The following CCDC73 variants were observed in gnomAD, a reference collection of about 807,000 sequenced individuals.
CCDC73 encodes the protein coiled-coil domain containing 73.
Under a neutral mutation model 116.5 loss-of-function variants are expected in CCDC73, and 95 were observed. That is an observed-to-expected ratio of 0.82 (90% confidence interval 0.69 to 0.97). The LOEUF (loss-of-function observed/expected upper bound fraction) is 0.97. Among genes scored for constraint, CCDC73 ranks in the 50% least tolerant of loss-of-function variants. The pLI is 0.00. For synonymous variants in CCDC73, 398 were observed against 401.3 expected (o/e 0.99, Z 0.10); for missense variants, 1,066 against 1,206.8 (o/e 0.88, Z 1.73).
At chr11:32,653,852 C>A (rs1855848124) in intron 11 of CCDC73, 126 bp downstream of exon 11, 1 of 1,070,724 alleles carries the variant, frequency 9.3e-7, no homozygotes, top group Admixed American at 3.5e-5. Context: ...AAAAAGTATA[C>A]ACATGTACAT....
chr11:32,669,733 G>T (rs2133281373), intron 9 of CCDC73, among the ~76,000 whole-genome samples: 1 of 152,144 alleles, frequency 6.6e-6, no homozygotes, highest in South Asian at 2.1e-4. Context: ...TCTGTGCCTG[G>T]CTTATTTCAC....
chr11:32,623,743 A>G (rs1160657843), intron 14 of CCDC73, among the ~76,000 whole-genome samples: 1 of 152,206 alleles, frequency 6.6e-6, no homozygotes, highest in Non-Finnish European at 1.5e-5. Context: ...GGCTCTACAA[A>G]GAAGACTTTA....
At chr11:32,727,164 T>C (rs1590615659) in intron 2 of CCDC73, among the ~76,000 whole-genome samples, 1 of 152,286 alleles carries the variant, frequency 6.6e-6, no homozygotes, top group East Asian at 1.9e-4. Context: ...GGGAAGAATG[T>C]CATAGAGAAT....
At chr11:32,667,057 G>C (rs1855990879) in intron 9 of CCDC73, among the ~76,000 whole-genome samples, 1 of 152,206 alleles carries the variant, frequency 6.6e-6, no homozygotes, top group Non-Finnish European at 1.5e-5. Flanking sequence ...GCCGTGTGAG[G>C]TGTCAGTCTG....
At chr11:32,635,926 T>A in intron 13 of CCDC73, 96 bp from the exon 14 acceptor site, 9 of 755,788 alleles carry the variant, frequency 1.2e-5, no homozygotes, top group Non-Finnish European at 1.5e-5. Flanking sequence ...CAGGAAATAG[T>A]CAAAGAATCA....
chr11:32,723,872 A>G (rs1161755022), intron 2 of CCDC73, among the ~76,000 whole-genome samples: 2 of 152,116 alleles, frequency 1.3e-5, no homozygotes, highest in African/African-American at 2.4e-5. Flanking sequence ...TTGACATTTA[A>G]TAAGAATTTT....
intron 2 of CCDC73, among the ~76,000 whole-genome samples, chr11:32,726,833 T>C (rs1025804688): frequency 9.9e-5 from 15 of 152,022 alleles, no homozygotes; most frequent in African/African-American, 3.4e-4. Context: ...GAAGTATACT[T>C]CTAAGTAGCC....
At chr11:32,820,051 AT>A in the CCDC73 span, among the ~76,000 whole-genome samples, 2 of 152,208 alleles carry the variant, frequency 1.3e-5, no homozygotes, top group African/African-American at 4.8e-5. Flanking sequence ...ATAGAAAATA[AT>A]AGGAGTATTT....
chr11:32,734,273 T>C (rs1309947413), intron 2 of CCDC73, among the ~76,000 whole-genome samples: 2 of 152,134 alleles, frequency 1.3e-5, no homozygotes, highest in Non-Finnish European at 2.9e-5. Flanking sequence ...ATTGCGGTAA[T>C]AATTAACAGC....
At chr11:32,799,079 T>C (rs1315262869), upstream of CCDC73, among the ~76,000 whole-genome samples, 1 of 141,168 alleles carries the variant, frequency 7.1e-6, no homozygotes, top group African/African-American at 2.6e-5. Context: ...TTGGCTAATT[T>C]TTTTTCTTTT....
At chr11:32,653,035 C>G in intron 12 of CCDC73, 88 bp downstream of exon 12, 1 of 749,756 alleles carries the variant, frequency 1.3e-6, no homozygotes, top group South Asian at 2.0e-5. Flanking sequence ...TAAAACTGGA[C>G]AGAAAAATAA....
intron 12 of CCDC73, among the ~76,000 whole-genome samples, chr11:32,648,010 C>T (rs1176242067): frequency 6.6e-6 from 1 of 152,152 alleles, no homozygotes; most frequent in Non-Finnish European, 1.5e-5. Context: ...CCCTTCCCCC[C>T]AAACCTCAGC....
intron 1 of CCDC73, among the ~76,000 whole-genome samples, chr11:32,789,288 CAA>C (rs1850654380): frequency 6.6e-6 from 1 of 152,024 alleles, no homozygotes; most frequent in African/African-American, 2.4e-5. Context: ...ACTGAGTTTC[CAA>C]AGAGATCAGT....
intron 1 of CCDC73, among the ~76,000 whole-genome samples, chr11:32,776,483 A>G (rs768017221): frequency 2.0e-5 from 3 of 151,688 alleles, no homozygotes; most frequent in Non-Finnish European, 4.4e-5. Context: ...CCTCTATTAC[A>G]CTTTCCTTAC....
At chr11:32,655,731 T>A (rs1855865477) in intron 9 of CCDC73, among the ~76,000 whole-genome samples, 1 of 152,146 alleles carries the variant, frequency 6.6e-6, no homozygotes, top group Non-Finnish European at 1.5e-5. Flanking sequence ...AATTAACCAC[T>A]GAAGGATTCT....
chr11:32,634,910 C>A (rs1855664443), intron 14 of CCDC73, among the ~76,000 whole-genome samples: 1 of 152,088 alleles, frequency 6.6e-6, no homozygotes, highest in African/African-American at 2.4e-5. Flanking sequence ...TCACTTGAGC[C>A]CAGGAGTTCA....
chr11:32,731,258 G>A (rs1590618293), intron 2 of CCDC73, among the ~76,000 whole-genome samples: 2 of 151,774 alleles, frequency 1.3e-5, no homozygotes, highest in African/African-American at 4.8e-5. Context: ...GCTTGAGTAG[G>A]TAAACAAAGT....
At chr11:32,751,398 T>G (rs1377225876) in intron 2 of CCDC73, among the ~76,000 whole-genome samples, 2 of 152,180 alleles carry the variant, frequency 1.3e-5, no homozygotes, top group East Asian at 3.9e-4. Flanking sequence ...AGTACAGCAC[T>G]AGGACTTGCC....
At chr11:32,656,377 C>A (rs893200713) in intron 9 of CCDC73, among the ~76,000 whole-genome samples, 1 of 152,148 alleles carries the variant, frequency 6.6e-6, no homozygotes, top group African/African-American at 2.4e-5. Context: ...CCGCGCCCGG[C>A]CAGTTTTTCT....
Sources: allele counts gnomAD v4.1 joint callset (sites outside exome capture counted in the v4.1 genomes callset), GRCh38; gene constraint gnomAD v4.1.1; transcripts MANE v1.5; gene names NCBI Gene and HGNC (gene_info 2026-07-23, HGNC 2026-07-21).